KALRN: variants seen among roughly 807,000 people sequenced by gnomAD.
KALRN encodes kalirin RhoGEF kinase, also known as kalirin.
KALRN carries 70 observed loss-of-function variants against 353.7 expected under a neutral mutation model. The observed-to-expected ratio is 0.20, with a 90% CI of 0.16 to 0.24. The LOEUF is 0.24. Among genes scored for constraint, KALRN ranks in the 10% least tolerant of loss-of-function variants. KALRN has a pLI of 1.00. For synonymous variants in KALRN, 1,391 were observed against 1,434.8 expected (o/e 0.97, Z 0.69); for missense variants, 2,791 against 3,756.7 (o/e 0.74, Z 6.72).
intron 5 of KALRN, among the ~76,000 whole-genome samples, chr3:124,274,718 C>T (rs532689110): frequency 1.3e-5 from 2 of 152,178 alleles, no homozygotes; most frequent in Admixed American, 6.5e-5. Flanking sequence ...TGGTGCCTAC[C>T]TCCCCCATGA....
At chr3:124,553,370 A>T (rs549202426) in intron 33 of KALRN, among the ~76,000 whole-genome samples, 1 of 152,350 alleles carries the variant, frequency 6.6e-6, no homozygotes, top group African/African-American at 2.4e-5. Context: ...CAGACCCAGT[A>T]ATCCACAGAA....
chr3:124,298,613 G>C (rs1434089669), intron 5 of KALRN, among the ~76,000 whole-genome samples, 178 bp from the exon 6 acceptor site: 4 of 152,034 alleles, frequency 2.6e-5, no homozygotes, highest in Non-Finnish European at 5.9e-5. Context: ...TAAAAGTGAG[G>C]GCTCTCCTGA....
At chr3:124,264,397 T>G (rs1172019947) in intron 3 of KALRN, 101 bp from the exon 4 acceptor site, 2 of 929,482 alleles carry the variant, frequency 2.2e-6, no homozygotes, top group East Asian at 5.3e-5. Flanking sequence ...GAAAGAGTGA[T>G]TCTGGTCAAG....
chr3:124,221,505 G>A (rs567577673), intron 1 of KALRN, among the ~76,000 whole-genome samples: 1 of 152,352 alleles, frequency 6.6e-6, no homozygotes, highest in Non-Finnish European at 1.5e-5. Context: ...CCATTCAGGA[G>A]TGATAGATTA....
At chr3:124,369,040 G>A (rs1178496499) in intron 10 of KALRN, among the ~76,000 whole-genome samples, 1 of 149,096 alleles carries the variant, frequency 6.7e-6, no homozygotes, top group African/African-American at 2.5e-5. Context: ...GGAGACCGTG[G>A]AAAGAGAGGG....
At chr3:124,634,097 A>G in intron 36 of KALRN, 144 bp downstream of exon 36, 2 of 655,082 alleles carry the variant, frequency 3.1e-6, no homozygotes, top group Non-Finnish European at 5.3e-6. Flanking sequence ...TTGTGTCTCT[A>G]TTTGGTAGGT....
intron 1 of KALRN, among the ~76,000 whole-genome samples, chr3:124,086,456 T>C (rs547014988): frequency 6.6e-6 from 1 of 152,236 alleles, no homozygotes; most frequent in East Asian, 1.9e-4. Context: ...TTACTTTTTA[T>C]CAGTCATTTA....
chr3:124,697,868 C>T (rs972740430), intron 55 of KALRN, 144 bp downstream of exon 55: 6 of 788,252 alleles, frequency 7.6e-6, no homozygotes, highest in Middle Eastern at 3.9e-4. Context: ...TGCTATATTG[C>T]CCAGGCTGGT....
intron 1 of KALRN, among the ~76,000 whole-genome samples, chr3:124,113,767 CT>C (rs1387176848): frequency 2.0e-5 from 3 of 152,258 alleles, no homozygotes; most frequent in Non-Finnish European, 4.4e-5. Flanking sequence ...TCCTGCCTCA[CT>C]GGAGTTCCTT....
At chr3:124,331,583 C>A (rs1321571082) in intron 8 of KALRN, among the ~76,000 whole-genome samples, 1 of 152,180 alleles carries the variant, frequency 6.6e-6, no homozygotes, top group African/African-American at 2.4e-5. Flanking sequence ...GAAGGACTTA[C>A]AAGCCAAATC....
chr3:124,043,084 A>G (rs2040116965), intron 1 of KALRN, among the ~76,000 whole-genome samples: 1 of 152,106 alleles, frequency 6.6e-6, no homozygotes. Flanking sequence ...TGCTGCAGAG[A>G]AGTTGAGGGA....
At chr3:124,136,099 A>T (rs531909722) in intron 1 of KALRN, among the ~76,000 whole-genome samples, 43 of 152,268 alleles carry the variant, frequency 2.8e-4, no homozygotes, top group African/African-American at 1.0e-3. Flanking sequence ...AATTCTAATG[A>T]AATTGGTCTG....
chr3:124,650,208 C>T lies in KALRN; in HGVS notation c.5665-600C>T, dbSNP rs1277232969. Among the ~76,000 whole-genome samples, 7 of 152,228 alleles carry T rather than the reference C, an allele frequency of 4.6e-5. 1 individual carries two copies. The South Asian group carries it at 1.5e-3, about 32-fold the overall frequency. On this transcript the variant is annotated intron_variant, in intron 37 of 59. Coordinates refer to ENST00000682506, the MANE Select transcript of KALRN (RefSeq NM_001388419.1). ...TTGAATATTTTTATCGTTAACAGTTCCATCCATGGGGACAGGGGAAAACCC... is the reference window on the plus strand; with the variant it reads ...TTGAATATTTTTATCGTTAACAGTTTCATCCATGGGGACAGGGGAAAACCC...
chr3:124,725,707 C>A lies in KALRN; in HGVS notation c.*6237C>A, dbSNP rs2063410578. 6.6e-6 allele frequency: 1 copy of A among 152,144 alleles called. No individual in the cohort carries two copies. The highest frequency in any genetic ancestry group is 1.5e-5 in the Non-Finnish European group (1 of 68,014). 9.4% of individuals were successfully genotyped at this position (152,144 alleles called of 1,614,324 possible). A position where few individuals can be genotyped will look rare whatever the true frequency, so the allele number is the denominator to read the frequency against. ...AACAAAGTGTGAAACATAAAGGGGC[C>A]ATCATTTAGTTTATTCTGTTTATCT... is the stretch of plus-strand genomic sequence containing the variant. On this transcript the variant is annotated 3_prime_UTR_variant, in exon 60 of 60. Coordinates refer to ENST00000682506, the MANE Select transcript of KALRN (RefSeq NM_001388419.1).
At chr3:124,229,233 G>T (rs1054753158) in intron 2 of KALRN, among the ~76,000 whole-genome samples, 3 of 152,222 alleles carry the variant, frequency 2.0e-5, no homozygotes, top group Admixed American at 6.5e-5. Context: ...TTAAGAAAAA[G>T]TCCGGTGACC....
At chr3:124,214,047 GAATA>G (rs1476715682) in intron 1 of KALRN, among the ~76,000 whole-genome samples, 2 of 151,724 alleles carry the variant, frequency 1.3e-5, no homozygotes, top group Non-Finnish European at 2.9e-5. Flanking sequence ...ATTATTTCAA[GAATA>G]AATAAGAAAA....
chr3:124,305,597 T>C (rs1241552645), intron 6 of KALRN, among the ~76,000 whole-genome samples: 1 of 152,180 alleles, frequency 6.6e-6, no homozygotes, highest in Non-Finnish European at 1.5e-5. Context: ...ATCAGAGCAC[T>C]GCCAAAGCCA....
At chr3:124,227,917 C>CT in intron 1 of KALRN, 73 bp from the exon 2 acceptor site, 1 of 1,197,910 alleles carries the variant, frequency 8.3e-7, no homozygotes, top group Non-Finnish European at 1.2e-6. Context: ...GATTGGGAGA[C>CT]TGAGGATGGG....
chr3:124,525,267 A>G (rs2067491003), intron 33 of KALRN, among the ~76,000 whole-genome samples: 1 of 152,130 alleles, frequency 6.6e-6, no homozygotes, highest in Non-Finnish European at 1.5e-5. Flanking sequence ...GGGGGTTTCT[A>G]TGTGTCTGCT....
Sources: gnomAD v4.1 joint callset for allele counts (sites outside exome capture counted in the v4.1 genomes callset) on GRCh38, gnomAD v4.1.1 for gene constraint, MANE v1.5 for transcripts, NCBI Gene and HGNC (gene_info 2026-07-23, HGNC 2026-07-21) for gene names.